The following NEK11 variants were observed in gnomAD, a reference collection of about 807,000 sequenced individuals.
NEK11 encodes serine/threonine-protein kinase Nek11.
A neutral mutation model predicts 80.7 loss-of-function variants in NEK11; 72 were observed. The ratio of observed to expected loss-of-function variants is 0.89; its 90% CI spans 0.74 to 1.08. The LOEUF (loss-of-function observed/expected upper bound fraction) is 1.08, where lower values mean the gene tolerates loss of function less well. Among genes scored for constraint, NEK11 ranks in the 50% least tolerant of loss-of-function variants. The pLI is 0.00. For missense variants in NEK11, 764 were observed against 763.6 expected (o/e 1.00, Z -0.01); for synonymous variants, 251 against 260.7 (o/e 0.96, Z 0.36).
At chr3:131,256,299 A>G (rs1366321885) in intron 16 of NEK11, among the ~76,000 whole-genome samples, 1 of 152,208 alleles carries the variant, frequency 6.6e-6, no homozygotes, top group Non-Finnish European at 1.5e-5. Flanking sequence ...GTATACATTT[A>G]TCTAAACACC....
At chr3:131,184,634 G>A (rs1021748720) in intron 14 of NEK11, 6 of 393,694 alleles carry the variant, frequency 1.5e-5, no homozygotes, top group African/African-American at 1.2e-4. Flanking sequence ...AGAATAACAA[G>A]TTGCCAGGAG....
intron 14 of NEK11, among the ~76,000 whole-genome samples, chr3:131,214,345 T>C (rs1270312289): frequency 6.6e-6 from 1 of 152,176 alleles, no homozygotes; most frequent in African/African-American, 2.4e-5. Flanking sequence ...CTTAAACCAG[T>C]TGCCTAAAGT....
intron 17 of NEK11, among the ~76,000 whole-genome samples, chr3:131,299,955 T>C (rs1233980638): frequency 6.6e-6 from 1 of 152,192 alleles, no homozygotes; most frequent in Admixed American, 6.6e-5. Context: ...AATTATCAAG[T>C]TGGTTTCCAA....
intron 14 of NEK11, among the ~76,000 whole-genome samples, chr3:131,217,896 A>G (rs1248600464): frequency 6.6e-6 from 1 of 152,230 alleles, no homozygotes; most frequent in Non-Finnish European, 1.5e-5. Context: ...ATTATGCAAG[A>G]TGAAGCATTT....
intron 10 of NEK11, among the ~76,000 whole-genome samples, chr3:131,162,038 G>A (rs760061853): frequency 2.6e-5 from 4 of 152,080 alleles, no homozygotes; most frequent in Non-Finnish European, 5.9e-5. Context: ...GGTGGGATTC[G>A]AACCCTGCCT....
At chr3:131,300,823 A>C (rs2096653368) in intron 17 of NEK11, among the ~76,000 whole-genome samples, 2 of 152,040 alleles carry the variant, frequency 1.3e-5, no homozygotes, top group South Asian at 4.1e-4. Flanking sequence ...GATGCCTCTA[A>C]CTTTGTTCTT....
chr3:131,043,038 AAACT>A lies in NEK11; in HGVS notation c.170+13164_170+13167del, dbSNP rs539926251. Among the ~76,000 whole-genome samples the A allele has an allele frequency of 4.6e-5, 7 of 152,224 alleles. 1 individual carries two copies. Among genetic ancestry groups the A allele is most frequent in the Non-Finnish European group, 8.8e-5 (6 of 68,040 alleles). On this transcript the variant is annotated intron_variant, in intron 3 of 17. Coordinates refer to ENST00000383366, the MANE Select transcript of NEK11 (RefSeq NM_024800.5). The stretch of plus-strand genomic sequence containing the variant: ...AAGAGGGGCCTGACTGTTAGAAGGA[AAACT>A]AACAAACAGAAAGCAATAGCATCAA...
intron 16 of NEK11, among the ~76,000 whole-genome samples, chr3:131,272,999 C>T (rs2096226964): frequency 6.6e-6 from 1 of 152,150 alleles, no homozygotes; most frequent in Non-Finnish European, 1.5e-5. Context: ...GCAGATAGGA[C>T]CTCTGGTCAG....
chr3:131,193,210 G>A (rs1226703448), intron 14 of NEK11, among the ~76,000 whole-genome samples: 2 of 151,662 alleles, frequency 1.3e-5, no homozygotes, highest in Non-Finnish European at 1.5e-5. Context: ...TTTTTTTAGC[G>A]ACTAGCCTAA....
chr3:131,113,062 C>T (rs1393174687), intron 5 of NEK11, among the ~76,000 whole-genome samples: 1 of 152,086 alleles, frequency 6.6e-6, no homozygotes, highest in Non-Finnish European at 1.5e-5. Flanking sequence ...AGACCTAAAC[C>T]AAGCTGGCAG....
intron 3 of NEK11, among the ~76,000 whole-genome samples, chr3:131,069,744 G>A (rs570651496): frequency 7.3e-5 from 11 of 150,580 alleles, no homozygotes; most frequent in African/African-American, 1.7e-4. Flanking sequence ...ACTAAACACC[G>A]CATATTCTCA....
intron 17 of NEK11, among the ~76,000 whole-genome samples, chr3:131,333,441 C>G (rs1325318497): frequency 6.6e-6 from 1 of 152,142 alleles, no homozygotes; most frequent in Admixed American, 6.5e-5. Flanking sequence ...ACCACCAGGC[C>G]TGCCCTAAAA....
At chr3:131,233,164 C>T (rs1292651876) in intron 15 of NEK11, among the ~76,000 whole-genome samples, 2 of 152,156 alleles carry the variant, frequency 1.3e-5, no homozygotes, top group Non-Finnish European at 2.9e-5. Context: ...ATGGGAGCCT[C>T]AGGCTGCACT....
chr3:131,180,589 C>T (rs1158243518), intron 14 of NEK11, among the ~76,000 whole-genome samples: 1 of 152,114 alleles, frequency 6.6e-6, no homozygotes, highest in African/African-American at 2.4e-5. Flanking sequence ...CTATAAATCC[C>T]TTGTTACCTA....
intron 3 of NEK11, among the ~76,000 whole-genome samples, chr3:131,031,587 T>G (rs951970390): frequency 6.6e-6 from 1 of 152,168 alleles, no homozygotes; most frequent in African/African-American, 2.4e-5. Flanking sequence ...CTTGAAACCT[T>G]TAGACTTAAG....
chr3:131,118,189 G>C (rs981556563), intron 5 of NEK11, among the ~76,000 whole-genome samples: 1 of 152,214 alleles, frequency 6.6e-6, no homozygotes, highest in Non-Finnish European at 1.5e-5. Context: ...ATGAAGGGCT[G>C]TTGAAGTTTG....
intron 17 of NEK11, among the ~76,000 whole-genome samples, chr3:131,286,725 G>A (rs996005031): frequency 6.6e-6 from 1 of 152,150 alleles, no homozygotes; most frequent in African/African-American, 2.4e-5. Context: ...TCAATTCTCA[G>A]GATAAACTGC....
At chr3:131,340,451 T>C (rs1016682897) in intron 17 of NEK11, among the ~76,000 whole-genome samples, 2 of 152,296 alleles carry the variant, frequency 1.3e-5, no homozygotes, top group South Asian at 4.1e-4. Flanking sequence ...TAGTCTATAA[T>C]TGATGGGCAA....
intron 12 of NEK11, among the ~76,000 whole-genome samples, chr3:131,168,350 TA>T (rs1473553265): frequency 2.7e-5 from 4 of 146,838 alleles, no homozygotes; most frequent in African/African-American, 7.6e-5. Context: ...TTTTTTTTTT[TA>T]TTTTTATTTA....
Sources: allele counts gnomAD v4.1 joint callset (sites outside exome capture counted in the v4.1 genomes callset), GRCh38; gene constraint gnomAD v4.1.1; transcripts MANE v1.5; gene names NCBI Gene and HGNC (gene_info 2026-07-23, HGNC 2026-07-21).